The following ABTB1 variants were observed in gnomAD, a reference collection of about 807,000 sequenced individuals.
ABTB1 encodes ankyrin repeat and BTB/POZ domain-containing protein 1.
In ABTB1, 45 loss-of-function variants were observed where a neutral mutation model predicts 57.1. That is an observed-to-expected ratio of 0.79 (90% CI 0.62 to 1.01). ABTB1 has a LOEUF of 1.01. ABTB1 is among the 50% of genes least tolerant of loss of function. The pLI is 0.00. For missense variants in ABTB1, 630 were observed against 666.3 expected (o/e 0.95, Z 0.60); for synonymous variants, 302 against 275.4 (o/e 1.10, Z -0.95).
intron 10 of ABTB1, 58 bp downstream of exon 10, chr3:127,677,901 G>A (rs2075026783): frequency 1.3e-6 from 2 of 1,571,172 alleles, no homozygotes; most frequent in Non-Finnish European, 1.7e-6. Context: ...TGGGCTGAGA[G>A]GGAGCGCCAG....
Position 127,676,630 on chromosome 3 carries a change from T to C in ABTB1, c.526+49T>C. The C allele has an allele frequency of 2.5e-6, 4 of 1,604,910 alleles. No homozygotes were observed. The highest frequency in any genetic ancestry group is 2.1e-4 in the Middle Eastern group (1 of 4,746). ...GAGGAGAGGGAGTGGGCCGTCCTTCTGGACAGCAGTACACCTAGGTGTGGC... is the reference window on the plus strand; with the variant it reads ...GAGGAGAGGGAGTGGGCCGTCCTTCCGGACAGCAGTACACCTAGGTGTGGC... On this transcript the variant is annotated intron_variant, in intron 6 of 11. Coordinates refer to ENST00000232744, the MANE Select transcript of ABTB1 (RefSeq NM_172027.3). This position sits in a 1 kb window ranked among gnomAD's most constrained non-coding sequence, Gnocchi z 5.4.
At chr3:127,675,858 C>A in intron 3 of ABTB1, 112 bp from the exon 4 acceptor site, 1 of 1,419,432 alleles carries the variant, frequency 7.0e-7, no homozygotes, top group Non-Finnish European at 9.6e-7. Context: ...TTTGGGAAGG[C>A]ATCGCCAGAG....
At chr3:127,679,894 C>T (rs2075086066) in intron 10 of ABTB1, 91 bp from the exon 11 acceptor site, 11 of 1,363,816 alleles carry the variant, frequency 8.1e-6, no homozygotes, top group South Asian at 1.3e-5. Context: ...CGCCAGTGCC[C>T]CCCAACCACC....
chr3:127,680,597 G>A lies in ABTB1; in HGVS notation c.*122G>A, dbSNP rs776187437. On this transcript the variant is annotated 3_prime_UTR_variant, in exon 12 of 12. Coordinates refer to ENST00000232744, the MANE Select transcript of ABTB1 (RefSeq NM_172027.3). ...GAGGGCTTCATGGGGGGTGCGAGGGGCTCAGTGGGGCTTCTCTTCCCTCCA... is the reference window on the plus strand; with the variant it reads ...GAGGGCTTCATGGGGGGTGCGAGGGACTCAGTGGGGCTTCTCTTCCCTCCA... The A allele has an allele frequency of 1.1e-5, 13 of 1,192,356 alleles. No homozygotes were observed. The highest frequency in any genetic ancestry group is 1.8e-5 in the Admixed American group (1 of 56,838). The allele number at this position is 1,192,356 out of a possible 1,614,324, so 73.9% of individuals were successfully genotyped here. A position where few individuals can be genotyped will look rare whatever the true frequency, so the allele number is the denominator to read the frequency against.
intron 1 of ABTB1, 176 bp from the exon 2 acceptor site, chr3:127,674,215 T>C (rs2107551698): frequency 1.4e-6 from 1 of 717,344 alleles, no homozygotes; most frequent in East Asian, 2.7e-5. Context: ...CTCCACATCC[T>C]TGCCTGCACT....
In ABTB1 at chr3:127,676,218, G is replaced by A; in HGVS notation, c.321-54G>A. On this transcript the variant is annotated intron_variant, in intron 4 of 11. Coordinates refer to ENST00000232744, the MANE Select transcript of ABTB1 (RefSeq NM_172027.3). This position sits in a 1 kb window ranked among gnomAD's most constrained non-coding sequence, Gnocchi z 5.4. ...CTGCACTGGGTTCTGAGTGCTCCGAGGAATGGGGTGGGGCTGTGCCAAGTA... is the reference window on the plus strand; with the variant it reads ...CTGCACTGGGTTCTGAGTGCTCCGAAGAATGGGGTGGGGCTGTGCCAAGTA... 6.2e-7 allele frequency: 1 copy of A among 1,604,624 alleles called. No homozygotes were observed. The highest frequency in any genetic ancestry group is 8.5e-7 in the Non-Finnish European group (1 of 1,173,252).
At position 127,680,119 on chromosome 3, in the gene ABTB1, C is replaced by G; in HGVS notation, c.1164C>G (p.Ala388=). 6.2e-7 allele frequency: 1 copy of G among 1,613,952 alleles called. No homozygotes were observed. Among genetic ancestry groups the G allele is most frequent in the Non-Finnish European group, 8.5e-7 (1 of 1,180,030 alleles). Residue 388 remains alanine, a synonymous_variant, in exon 11 of 12, where the codon GCC becomes GCG. Coordinates refer to ENST00000232744, the MANE Select transcript of ABTB1 (RefSeq NM_172027.3). ...EDTVVGVWRV[A]KLFRLARLED... The stretch of plus-strand genomic sequence containing the variant: ...CTGTGGTGGGTGTGTGGCGCGTGGC[C>G]AAGCTCTTCCGCCTGGCGCGGCTTG...
In ABTB1 at chr3:127,680,269, C is replaced by A. The variant is rs1181489662; in HGVS notation, c.1231C>A (p.Leu411Met). The A allele has an allele frequency of 6.2e-7, 1 of 1,613,484 alleles. No homozygotes were observed. ...TEYMAKVIEK[L>M]VEREDFVEAV... is the part of the protein sequence containing the mutation. ...CTGAGCTGGCCCTTCCCGCTCATAGCTGGTGGAGCGGGAGGACTTCGTGGA... is the reference window on the plus strand; with the variant it reads ...CTGAGCTGGCCCTTCCCGCTCATAGATGGTGGAGCGGGAGGACTTCGTGGA... The change falls in exon 12 of 12, where the codon CTG (leucine) becomes ATG (methionine). Residue 411 changes from leucine (L) to methionine (M), a missense_variant and splice_region_variant. By Grantham distance (15) the Leu-to-Met change is conservative. Around this residue, in one of 3 missense-constraint regions of ABTB1, gnomAD observed 579 missense variants for 585.9 expected, o/e 0.99. Coordinates refer to ENST00000232744, the MANE Select transcript of ABTB1 (RefSeq NM_172027.3).
chr3:127,673,421 C>G (rs2074897074), intron 1 of ABTB1: 1 of 196,686 alleles, frequency 5.1e-6, no homozygotes, highest in Admixed American at 6.1e-5. Context: ...GCGCAGGGCG[C>G]GGGTATAGGC....
chr3:127,672,983 T>A lies in ABTB1; in HGVS notation c.-43T>A. The A allele has an allele frequency of 1.3e-6, 2 of 1,524,670 alleles. No individual in the cohort carries two copies. Among genetic ancestry groups the A allele is most frequent in the Non-Finnish European group, 1.8e-6 (2 of 1,133,122 alleles). 94.4% of individuals were successfully genotyped at this position (1,524,670 alleles called of 1,614,324 possible). A position where few individuals can be genotyped will look rare whatever the true frequency, so the allele number is the denominator to read the frequency against. ...GTTTACATCCGCCGGGTGCGCGGCT[T>A]CGCCGCCCGAGGTCGTTCGGCTCGG... On this transcript the variant is annotated 5_prime_UTR_variant, in exon 1 of 12. Transcript: ENST00000232744.
rs778220557 is a variant in ABTB1, at chr3:127,675,963, C to G, written c.176-7C>G. The G allele has an allele frequency of 6.9e-6, 11 of 1,603,426 alleles. No individual in the cohort carries two copies. Among genetic ancestry groups the G allele is most frequent in the Non-Finnish European group, 9.4e-6 (11 of 1,172,742 alleles). On this transcript the variant is annotated splice_region_variant and splice_polypyrimidine_tract_variant and intron_variant, in intron 3 of 11. Coordinates refer to ENST00000232744, the MANE Select transcript of ABTB1 (RefSeq NM_172027.3). Reference sequence around the variant, plus strand: ...CCCTGCTAACTGGTGAGCCCTGCCTCCCCCAGGAGCCCGCTGCGAGGCCAA... The same window carrying G: ...CCCTGCTAACTGGTGAGCCCTGCCTGCCCCAGGAGCCCGCTGCGAGGCCAA...
intron 2 of ABTB1, 21 bp downstream of exon 2, chr3:127,674,474 T>TTTTGGGGGGG: frequency 2.7e-6 from 1 of 366,012 alleles, no homozygotes; most frequent in Non-Finnish European, 5.5e-6. Flanking sequence ...GAGAGAGGGG[T>TTTTGGGGGGG]GGGGAGGGTG....
chr3:127,676,514 C>T lies in ABTB1; in HGVS notation c.481-22C>T. On this transcript the variant is annotated intron_variant, in intron 5 of 11. Transcript: ENST00000232744. The surrounding 1 kb of genome is among the most constrained non-coding windows in gnomAD (Gnocchi z 5.4). ...TGCTGGGTGGCTGCCTCTGACATTA[C>T]TTTCTGGTTTTCTGCCCACAGATCA... 6.2e-7 allele frequency: 1 copy of T among 1,614,170 alleles called. No homozygotes were observed. Among genetic ancestry groups the T allele is most frequent in the Non-Finnish European group, 8.5e-7 (1 of 1,180,006 alleles).
chr3:127,673,391 C>T (rs1033062195), intron 1 of ABTB1: 4 of 230,480 alleles, frequency 1.7e-5, no homozygotes, highest in Non-Finnish European at 3.3e-5. Context: ...CTGGTAGGGC[C>T]CGGACGTCAG....
rs1246726614 is a variant in ABTB1 at position 127,680,309 on chromosome 3, A to AG, written c.1273dup (p.Ala425GlyfsTer88). The AG allele has an allele frequency of 6.2e-7, 1 of 1,612,712 alleles. No individual in the cohort carries two copies. On this transcript the variant is annotated frameshift_variant, in exon 12 of 12. Transcript: ENST00000232744. LOFTEE classifies it high-confidence loss of function. ...GACTTCGTGGAGGCGGTGAAGGAGG[A>AG]GGCAGCGGCTGTGGCAGCCCGGCAG... is the stretch of plus-strand genomic sequence containing the variant.
rs778099179 is a variant in ABTB1 at position 127,677,712 on chromosome 3, C to T, written c.898C>T (p.Leu300=). 7 of 1,609,716 alleles carry T rather than the reference C, an allele frequency of 4.3e-6. No homozygotes were observed. The East Asian group carries it at 1.6e-4, about 36-fold the overall frequency. The change falls in exon 10 of 12, where the codon CTG becomes TTG. Residue 300 remains leucine (L), a synonymous_variant. Coordinates refer to ENST00000232744, the MANE Select transcript of ABTB1 (RefSeq NM_172027.3). ...TGGCCGCAGTGACTACTTCCGAGCCCTGCTGGATGACCACTTCCGAGAGAG... is the reference window on the plus strand; with the variant it reads ...TGGCCGCAGTGACTACTTCCGAGCCTTGCTGGATGACCACTTCCGAGAGAG... ...FCGRSDYFRA[L]LDDHFRESEE...
rs375860467 is a variant in ABTB1, at chr3:127,677,285, G to A, written c.761G>A (p.Arg254Gln). Reference sequence around the variant, plus strand: ...GATTGTGCCCTGCCCCCCGAGCTCCGAGTAAGTGCGGGGCTGGTGGGCAGG... The same window carrying A: ...GATTGTGCCCTGCCCCCCGAGCTCCAAGTAAGTGCGGGGCTGGTGGGCAGG... ...LADCALPPEL[R>Q]GDLWELPFPC... Residue 254 changes from arginine (R) to glutamine (Q), a missense_variant and splice_region_variant, in exon 8 of 12, where the codon CGA becomes CAA. Physicochemically the swap from Arg to Gln is conservative, Grantham distance 43. Transcript: ENST00000232744. 2.2e-5 allele frequency: 35 copies of A among 1,590,316 alleles called. No individual in the cohort carries two copies. The highest frequency in any genetic ancestry group is 2.7e-5 in the Non-Finnish European group (31 of 1,169,400).
At chr3:127,674,822 C>T (rs1479797356) in intron 3 of ABTB1, among the ~76,000 whole-genome samples, 2 of 152,248 alleles carry the variant, frequency 1.3e-5, no homozygotes, top group Non-Finnish European at 2.9e-5. Context: ...TGGGCCCAGT[C>T]ATCAGCATTT....
At position 127,680,080 on chromosome 3, in the gene ABTB1, G is replaced by C; in HGVS notation, c.1125G>C (p.Met375Ile). 3 of 1,613,900 alleles carry C rather than the reference G, an allele frequency of 1.9e-6. No homozygotes were observed. The highest frequency in any genetic ancestry group is 2.5e-6 in the Non-Finnish European group (3 of 1,180,034). The change falls in exon 11 of 12, where the codon ATG (methionine) becomes ATC (isoleucine). Residue 375 changes from methionine (M) to isoleucine (I), a missense_variant. Around this residue, in one of 3 missense-constraint regions of ABTB1, gnomAD observed 579 missense variants for 585.9 expected, o/e 0.99. Coordinates refer to ENST00000232744, the MANE Select transcript of ABTB1 (RefSeq NM_172027.3). ...TGTGCGGCCGCAGCCTGGCTCAGAT[G>C]CTAGACGAGGACACTGTGGTGGGTG... is the stretch of plus-strand genomic sequence containing the variant. ...KRLCGRSLAQMLDEDTVVGVW... is the reference protein window; with the variant it reads ...KRLCGRSLAQILDEDTVVGVW...
Sources: allele counts gnomAD v4.1 joint callset (sites outside exome capture counted in the v4.1 genomes callset), GRCh38; gene constraint gnomAD v4.1.1; regional missense constraint gnomAD v4.1.1; non-coding constraint Gnocchi (gnomAD v3.1); transcripts MANE v1.5; gene names NCBI Gene and HGNC (gene_info 2026-07-23, HGNC 2026-07-21).